Variants in DHRS7B observed in about 807,000 individuals in gnomAD.
The protein encoded by DHRS7B is peroxisomal reductase activating PPAR-gamma.
A neutral mutation model predicts 26.4 loss-of-function variants in DHRS7B; 24 were observed. The ratio of observed to expected loss-of-function variants is 0.91; its 90% CI spans 0.66 to 1.28. The LOEUF (loss-of-function observed/expected upper bound fraction) is 1.28, where lower values mean the gene tolerates loss of function less well. DHRS7B is among the 50% of genes most tolerant of loss of function. The probability of loss-of-function intolerance (pLI) is 0.00; values close to 1 mark genes in which losing one functional copy is unlikely to be tolerated. For synonymous variants in DHRS7B, 142 were observed against 166.4 expected (o/e 0.85, Z 1.13); for missense variants, 368 against 419.4 (o/e 0.88, Z 1.07).
In DHRS7B at chr17:21,127,004, G is replaced by A. The variant is rs1448068620; in HGVS notation, c.20+13G>A. 2.0e-5 allele frequency: 30 copies of A among 1,517,338 alleles called. No homozygotes were observed. Among genetic ancestry groups the A allele is most frequent in the Non-Finnish European group, 2.6e-5 (30 of 1,133,900 alleles). The allele number at this position is 1,517,338 out of a possible 1,614,324, so 94.0% of individuals were successfully genotyped here. On this transcript the variant is annotated intron_variant, in intron 1 of 6. Coordinates refer to ENST00000395511, the MANE Select transcript of DHRS7B (RefSeq NM_015510.5). ...CTCCGGCTACCAGGTAGGGGCTGGG[G>A]AAGAAGGAACCTCCGAGATGAGGCG...
intron 1 of DHRS7B, among the ~76,000 whole-genome samples, chr17:21,134,179 A>G (rs996200157): frequency 1.3e-5 from 2 of 152,228 alleles, no homozygotes; most frequent in Non-Finnish European, 2.9e-5. Flanking sequence ...TTTGAAACAT[A>G]ATTTTTCTCT....
chr17:21,138,078 ATAT>A (rs1567616047), intron 1 of DHRS7B, among the ~76,000 whole-genome samples: 79 of 52,906 alleles, frequency 1.5e-3, no homozygotes, highest in East Asian at 0.01. Flanking sequence ...AAAAAAAAAT[ATAT>A]ATATATATAT....
chr17:21,164,030 C>CTTTT (rs35189205), intron 1 of DHRS7B, among the ~76,000 whole-genome samples: 4,477 of 96,896 alleles, frequency 0.046, 506 homozygotes, highest in African/African-American at 0.084. Context: ...AATTGTTGTG[C>CTTTT]TTTTTTTTTT....
chr17:21,184,403 G>T lies in DHRS7B; in HGVS notation c.559G>T (p.Gly187Cys). The T allele has an allele frequency of 6.2e-7, 1 of 1,614,238 alleles. No homozygotes were observed. The highest frequency in any genetic ancestry group is 8.5e-7 in the Non-Finnish European group (1 of 1,180,042). ...GCCCTCCATGATCAAGAGGAGGCAA[G>T]GCCACATTGTCGCCATCAGCAGCAT... ...LLPSMIKRRQ[G>C]HIVAISSIQG... Residue 187 changes from glycine (G) to cysteine (C), a missense_variant, in exon 5 of 7, where the codon GGC becomes TGC. By Grantham distance (159) the Gly-to-Cys change is radical. Coordinates refer to ENST00000395511, the MANE Select transcript of DHRS7B (RefSeq NM_015510.5).
intron 2 of DHRS7B, among the ~76,000 whole-genome samples, chr17:21,172,764 A>G (rs974884041): frequency 1.3e-5 from 2 of 152,152 alleles, no homozygotes; most frequent in African/African-American, 2.4e-5. Context: ...AGGGTCTCCA[A>G]TCTAGGTCCA....
intron 5 of DHRS7B, among the ~76,000 whole-genome samples, chr17:21,187,652 GA>G (rs1423781191): frequency 6.9e-6 from 1 of 144,490 alleles, no homozygotes. Context: ...AAAAAAAAAG[GA>G]AAAAAAAGAA....
At position 21,140,257 on chromosome 17, in the gene DHRS7B, C is replaced by A. The variant is rs536837633; in HGVS notation, c.20+13266C>A. ...CAGGATGGTCTCGATCTCCTGACTT[C>A]GTGATCCACCCGCCTTGGCCTCCCA... On this transcript the variant is annotated intron_variant, in intron 1 of 6. Transcript: ENST00000395511. Among the ~76,000 whole-genome samples the A allele has an allele frequency of 2.6e-5, 4 of 151,906 alleles. No individual in the cohort carries two copies. The South Asian group carries it at 8.3e-4, about 32-fold the overall frequency.
intron 1 of DHRS7B, among the ~76,000 whole-genome samples, chr17:21,147,953 A>G (rs1285282778): frequency 6.6e-6 from 1 of 152,214 alleles, no homozygotes; most frequent in African/African-American, 2.4e-5. Flanking sequence ...CCATGGCTCA[A>G]GCCTGTAATC....
chr17:21,132,092 T>G (rs1973241858), intron 1 of DHRS7B, among the ~76,000 whole-genome samples: 1 of 152,146 alleles, frequency 6.6e-6, no homozygotes, highest in Non-Finnish European at 1.5e-5. Context: ...GAACAAAGAA[T>G]GATTTGCAGA....
Position 21,152,738 on chromosome 17 carries a change from G to T in DHRS7B, c.21-19280G>T, listed in dbSNP as rs545748174. ...AGAGTCTAACTTACTTTGGGGAAGG[G>T]TAATACTCAACCTCAGCTCACTCTA... On this transcript the variant is annotated intron_variant, in intron 1 of 6. Coordinates refer to ENST00000395511, the MANE Select transcript of DHRS7B (RefSeq NM_015510.5). Among the ~76,000 whole-genome samples the T allele has an allele frequency of 1.2e-4, 19 of 152,318 alleles. 1 individual carries two copies. The South Asian group carries it at 3.7e-3, about 30-fold the overall frequency.
chr17:21,128,752 C>T (rs1180425775), intron 1 of DHRS7B: 1 of 151,846 alleles, frequency 6.6e-6, no homozygotes, highest in Non-Finnish European at 1.5e-5. Flanking sequence ...CGCCTGTAAT[C>T]CCAGCTACTC....
At chr17:21,186,434 G>A (rs1974636739) in intron 5 of DHRS7B, among the ~76,000 whole-genome samples, 1 of 152,194 alleles carries the variant, frequency 6.6e-6, no homozygotes, top group African/African-American at 2.4e-5. Flanking sequence ...AGCCTGGGCT[G>A]TACTCTTGGA....
intron 1 of DHRS7B, among the ~76,000 whole-genome samples, chr17:21,143,758 G>T (rs1973579937): frequency 6.6e-6 from 1 of 152,228 alleles, no homozygotes; most frequent in Non-Finnish European, 1.5e-5. Flanking sequence ...GCACAAAAGA[G>T]TTGTAGTTAT....
chr17:21,140,064 G>A lies in DHRS7B; in HGVS notation c.20+13073G>A, dbSNP rs192729213. 2.5e-4 allele frequency among the ~76,000 whole-genome samples: 31 copies of A among 123,286 alleles called. No homozygotes were observed. The East Asian group carries it at 3.6e-3, about 14-fold the overall frequency. 80.9% of individuals were successfully genotyped at this position (123,286 alleles called of 152,430 possible). ...TTTTGAGACAGAGTCTCACTCTGTC[G>A]CCCAGGCTGGAGTGCGGTGGCGTGA... On this transcript the variant is annotated intron_variant, in intron 1 of 6. Coordinates refer to ENST00000395511, the MANE Select transcript of DHRS7B (RefSeq NM_015510.5).
intron 1 of DHRS7B, among the ~76,000 whole-genome samples, chr17:21,141,267 A>G (rs190371243): frequency 5.9e-5 from 9 of 152,264 alleles, no homozygotes; most frequent in Admixed American, 1.3e-4. Context: ...TTTCTTCTCA[A>G]CTGACAAAAC....
chr17:21,164,142 C>A (rs1974059660), intron 1 of DHRS7B, among the ~76,000 whole-genome samples: 1 of 150,490 alleles, frequency 6.6e-6, no homozygotes, highest in Non-Finnish European at 1.5e-5. Flanking sequence ...AATCCTCCCA[C>A]CTCAGCCTCC....
rs1046946748 is a variant in DHRS7B, at chr17:21,166,132, C to G, written c.21-5886C>G. ...GGCTTTGGCACCTTTCTCCGCCCCCCCTCACAGGATTGCCGGGAAGCATGT... is the reference window on the plus strand; with the variant it reads ...GGCTTTGGCACCTTTCTCCGCCCCCGCTCACAGGATTGCCGGGAAGCATGT... On this transcript the variant is annotated intron_variant, in intron 1 of 6. Transcript: ENST00000395511. 1.0e-5 allele frequency: 10 copies of G among 985,220 alleles called. No individual in the cohort carries two copies. In the African/African-American group the frequency reaches 1.2e-4, roughly 12 times the overall value. 61.0% of individuals were successfully genotyped at this position (985,220 alleles called of 1,614,324 possible).
intron 1 of DHRS7B, among the ~76,000 whole-genome samples, chr17:21,152,439 A>T (rs1973792214): frequency 6.6e-6 from 1 of 152,170 alleles, no homozygotes; most frequent in Non-Finnish European, 1.5e-5. Flanking sequence ...ACAGGTGTGA[A>T]CCACCACACC....
At chr17:21,171,930 G>C (rs1301259962) in intron 1 of DHRS7B, 88 bp from the exon 2 acceptor site, 1 of 1,510,244 alleles carries the variant, frequency 6.6e-7, no homozygotes. Flanking sequence ...GGAGATCTGG[G>C]ATTCATATCA....
Sources: allele counts gnomAD v4.1 joint callset (sites outside exome capture counted in the v4.1 genomes callset), GRCh38; gene constraint gnomAD v4.1.1; transcripts MANE v1.5; gene names NCBI Gene and HGNC (gene_info 2026-07-23, HGNC 2026-07-21).